The following OTOGL variants were observed in gnomAD, a reference collection of about 807,000 sequenced individuals.
The protein encoded by OTOGL is otogelin-like protein.
OTOGL carries 285 observed loss-of-function variants against 318.5 expected under a neutral mutation model. The ratio of observed to expected loss-of-function variants is 0.89; its 90% CI spans 0.81 to 0.99. The LOEUF is 0.99. Ranked by LOEUF, OTOGL falls within the 50% of genes least tolerant of loss-of-function variation. OTOGL has a pLI of 0.00. For missense variants in OTOGL, 2,899 were observed against 2,845.6 expected (o/e 1.02, Z -0.43); for synonymous variants, 987 against 936.5 (o/e 1.05, Z -0.99).
chr12:80,198,879 A>G (rs1360539536), intron 1 of OTOGL, among the ~76,000 whole-genome samples: 1 of 152,136 alleles, frequency 6.6e-6, no homozygotes, highest in African/African-American at 2.4e-5. Flanking sequence ...CCAAATAGCT[A>G]TCATCTCTTG....
At chr12:80,121,082 T>G (rs1360726906) in intron 1 of OTOGL, among the ~76,000 whole-genome samples, 1 of 152,154 alleles carries the variant, frequency 6.6e-6, no homozygotes, top group African/African-American at 2.4e-5. Context: ...TATTCAAGCT[T>G]CAGAGAACTG....
At chr12:80,359,075 T>C (rs1007066952) in intron 52 of OTOGL, among the ~76,000 whole-genome samples, 175 bp downstream of exon 52, 1 of 152,154 alleles carries the variant, frequency 6.6e-6, no homozygotes, top group Non-Finnish European at 1.5e-5. Flanking sequence ...TAAGTTATAT[T>C]TTAGTTGAGA....
At chr12:80,366,516 T>TATATAC (rs2138072983) in intron 52 of OTOGL, 58 bp from the exon 53 acceptor site, 1 of 266,058 alleles carries the variant, frequency 3.8e-6, no homozygotes, top group Admixed American at 5.4e-5. Context: ...ATAGGTTATA[T>TATATAC]ATATATATAT....
rs758581757 is a variant in OTOGL at position 80,265,227 on chromosome 12, A to G, written c.2224+17A>G. ...CTTTCTGTGGTGAGTACAATGGCACAGATAAAGACTATCAGATAATACCTT... is the reference window on the plus strand; with the variant it reads ...CTTTCTGTGGTGAGTACAATGGCACGGATAAAGACTATCAGATAATACCTT... On this transcript the variant is annotated intron_variant, in intron 20 of 58. Transcript: ENST00000547103. 1 of 1,600,216 alleles carries G rather than the reference A, an allele frequency of 6.2e-7. No homozygotes were observed. Among genetic ancestry groups the G allele is most frequent in the East Asian group, 2.2e-5 (1 of 44,734 alleles).
intron 1 of OTOGL, chr12:80,103,370 C>G: frequency 9.5e-7 from 1 of 1,048,472 alleles, no homozygotes; most frequent in Non-Finnish European, 1.5e-6. Flanking sequence ...ATCTTCTTTT[C>G]TTTTCTTGCA....
chr12:80,337,301 C>T (rs560820846), intron 42 of OTOGL, among the ~76,000 whole-genome samples: 8 of 151,780 alleles, frequency 5.3e-5, no homozygotes, highest in African/African-American at 1.9e-4. Flanking sequence ...GTTAATATCA[C>T]GTTCCAAATC....
chr12:80,129,746 CAT>C (rs1871120687), intron 1 of OTOGL, among the ~76,000 whole-genome samples: 1 of 152,146 alleles, frequency 6.6e-6, no homozygotes, highest in East Asian at 1.9e-4. Flanking sequence ...AAATTTTATT[CAT>C]AGTCACCTGT....
chr12:80,356,874 A>G lies in OTOGL; in HGVS notation c.5979A>G (p.Gln1993=). 6.2e-7 allele frequency: 1 copy of G among 1,601,194 alleles called. No homozygotes were observed. The highest frequency in any genetic ancestry group is 8.5e-7 in the Non-Finnish European group (1 of 1,173,598). Residue 1993 remains glutamine, a synonymous_variant, in exon 49 of 59, where the codon CAA becomes CAG. Transcript: ENST00000547103. ...PECREDQFMI[Q]VRQEEPCCFS... ...GCAGAGAAGATCAATTCATGATTCA[A>G]GTTCGACAGGAAGAACCTTGTTGTT...
chr12:80,108,882 GTA>G (rs1045215861), intron 1 of OTOGL, among the ~76,000 whole-genome samples: 9 of 134,270 alleles, frequency 6.7e-5, no homozygotes, highest in East Asian at 2.2e-4. Flanking sequence ...GTATATATGT[GTA>G]TATATATGTG....
chr12:80,265,006 T>C lies in OTOGL; in HGVS notation c.2020T>C (p.Tyr674His), dbSNP rs891810473. The change falls in exon 20 of 59, where the codon TAT becomes CAT. Residue 674 changes from tyrosine to histidine, a missense_variant. Physicochemically the swap from Tyr to His is moderately conservative, Grantham distance 83. This residue lies in a region of OTOGL where 2,607 missense variants were observed against 2,524.9 expected (regional missense o/e 1.03). Coordinates refer to ENST00000547103, the MANE Select transcript of OTOGL (RefSeq NM_001378609.3). ...CTAATTGGGCTCTTTGTTAGTTGGGTATGCAGCACACTGTGATGTCATCCA... is the reference window on the plus strand; with the variant it reads ...CTAATTGGGCTCTTTGTTAGTTGGGCATGCAGCACACTGTGATGTCATCCA... Reference protein sequence around the residue: ...PCNINQQNIGYAAHCDVIHQE... With the variant: ...PCNINQQNIGHAAHCDVIHQE... The C allele has an allele frequency of 1.2e-6, 2 of 1,613,708 alleles. No individual in the cohort carries two copies. The highest frequency in any genetic ancestry group is 2.7e-5 in the African/African-American group (2 of 74,932).
intron 31 of OTOGL, among the ~76,000 whole-genome samples, chr12:80,313,944 C>T (rs896336167): frequency 5.3e-5 from 8 of 151,918 alleles, no homozygotes; most frequent in Non-Finnish European, 7.4e-5. Flanking sequence ...GAAGTTTCAT[C>T]GTTCTGATGA....
intron 26 of OTOGL, among the ~76,000 whole-genome samples, chr12:80,291,528 C>T (rs1221257947): frequency 1.1e-4 from 17 of 152,144 alleles, no homozygotes; most frequent in Admixed American, 9.8e-4. Flanking sequence ...TCTTGAGGTT[C>T]TAAAATAACT....
intron 9 of OTOGL, among the ~76,000 whole-genome samples, chr12:80,236,391 C>T (rs932268059): frequency 3.3e-5 from 5 of 152,130 alleles, no homozygotes; most frequent in Non-Finnish European, 4.4e-5. Context: ...TTAGCAGGCT[C>T]CCACACCACC....
intron 22 of OTOGL, among the ~76,000 whole-genome samples, chr12:80,269,705 T>C (rs1333154719): frequency 6.6e-6 from 1 of 152,208 alleles, no homozygotes; most frequent in Non-Finnish European, 1.5e-5. Context: ...TCCCTGATGT[T>C]GGTTGCCAAC....
chr12:80,342,738 G>A (rs1269433249), intron 44 of OTOGL, among the ~76,000 whole-genome samples: 1 of 152,104 alleles, frequency 6.6e-6, no homozygotes, highest in Non-Finnish European at 1.5e-5. Context: ...TTAGATTCCT[G>A]TGATAGAAAA....
intron 26 of OTOGL, among the ~76,000 whole-genome samples, chr12:80,296,136 A>G (rs1300615415): frequency 6.6e-6 from 1 of 152,092 alleles, no homozygotes; most frequent in Non-Finnish European, 1.5e-5. Context: ...CCATTTCTAG[A>G]CCCTTCCTAA....
chr12:80,336,470 C>A lies in OTOGL; in HGVS notation c.4658C>A (p.Ala1553Glu). Reference sequence around the variant, plus strand: ...ATTACATTTGATGGAAACAACGCAGCATTATATAGCATGGCTTCTTATATC... The same window carrying A: ...ATTACATTTGATGGAAACAACGCAGAATTATATAGCATGGCTTCTTATATC... ...SIITFDGNNA[A>E]LYSMASYILV... Residue 1553 changes from alanine (A) to glutamate (E), a missense_variant, in exon 40 of 59, where the codon GCA becomes GAA. Coordinates refer to ENST00000547103, the MANE Select transcript of OTOGL (RefSeq NM_001378609.3). 1.2e-6 allele frequency: 2 copies of A among 1,608,300 alleles called. No homozygotes were observed. The highest frequency in any genetic ancestry group is 1.7e-6 in the Non-Finnish European group (2 of 1,175,510).
At chr12:80,120,716 T>C (rs930038893) in intron 1 of OTOGL, among the ~76,000 whole-genome samples, 2 of 152,178 alleles carry the variant, frequency 1.3e-5, no homozygotes, top group African/African-American at 4.8e-5. Context: ...GTTAAAAGAT[T>C]CCCTCGATAT....
intron 1 of OTOGL, among the ~76,000 whole-genome samples, chr12:80,104,057 C>A (rs1442459832): frequency 6.6e-6 from 1 of 152,144 alleles, no homozygotes; most frequent in Non-Finnish European, 1.5e-5. Flanking sequence ...TCCCAATATT[C>A]ATTTCTATTT....
Sources: gnomAD v4.1 joint callset for allele counts (sites outside exome capture counted in the v4.1 genomes callset) on GRCh38, gnomAD v4.1.1 for gene constraint, gnomAD v4.1.1 regional missense constraint, MANE v1.5 for transcripts, NCBI Gene and HGNC (gene_info 2026-07-23, HGNC 2026-07-21) for gene names.